The following MMS22L variants were observed in gnomAD, a reference collection of about 807,000 sequenced individuals.
MMS22L encodes MMS22 like, DNA repair protein.
MMS22L carries 74 observed loss-of-function variants against 159.1 expected under a neutral mutation model. The ratio of observed to expected loss-of-function variants is 0.47; its 90% confidence interval spans 0.39 to 0.56. The LOEUF (loss-of-function observed/expected upper bound fraction) is 0.56. Ranked by LOEUF, MMS22L falls within the 20% of genes least tolerant of loss-of-function variation. MMS22L has a pLI of 0.00. For missense variants in MMS22L, 1,351 were observed against 1,422.1 expected (o/e 0.95, Z 0.80); for synonymous variants, 517 against 506.9 (o/e 1.02, Z -0.27).
At chr6:97,179,692 C>T (rs543724234) in intron 16 of MMS22L, 133 bp from the exon 17 acceptor site, 13 of 632,776 alleles carry the variant, frequency 2.1e-5, no homozygotes, top group Admixed American at 3.7e-5. Flanking sequence ...AACACACTAA[C>T]GTAGGCATGC....
At chr6:97,233,293 T>C (rs1811063779) in intron 12 of MMS22L, among the ~76,000 whole-genome samples, 1 of 152,152 alleles carries the variant, frequency 6.6e-6, no homozygotes, top group Admixed American at 6.5e-5. Flanking sequence ...CATACCTCCA[T>C]GTATTTGTCC....
chr6:97,182,088 A>G (rs780909006), intron 15 of MMS22L, 34 bp from the exon 16 acceptor site: 1 of 1,581,244 alleles, frequency 6.3e-7, no homozygotes, highest in East Asian at 2.2e-5. Flanking sequence ...TAAAGTCAGG[A>G]ATCTTTAAAA....
chr6:97,241,111 C>G (rs1812013874), intron 11 of MMS22L, among the ~76,000 whole-genome samples: 2 of 152,224 alleles, frequency 1.3e-5, no homozygotes, highest in Admixed American at 1.3e-4. Flanking sequence ...GGTCTCCACT[C>G]AATCCAGGTT....
chr6:97,187,029 A>G (rs1487808901), intron 14 of MMS22L, among the ~76,000 whole-genome samples: 3 of 152,084 alleles, frequency 2.0e-5, no homozygotes, highest in Non-Finnish European at 4.4e-5. Flanking sequence ...CATGAAAACA[A>G]TTTTTAAAAC....
chr6:97,173,297 T>TC, intron 18 of MMS22L, 75 bp from the exon 19 acceptor site: 1 of 1,436,708 alleles, frequency 7.0e-7, no homozygotes, highest in Non-Finnish European at 9.6e-7. Flanking sequence ...AGATAATTTT[T>TC]CTCTCTTTTT....
In MMS22L at chr6:97,161,929, T is replaced by G. The variant is rs1036148419; in HGVS notation, c.3385+73A>C. ...TCACATATATTTTGTAACTATCCAT[T>G]AAATTGAGGGGAAACAGTAGTTTCT... is the stretch of plus-strand genomic sequence containing the variant. On this transcript the variant is annotated intron_variant, in intron 22 of 24. Coordinates refer to ENST00000683635, the MANE Select transcript of MMS22L (RefSeq NM_001350599.2). 9 of 1,434,074 alleles carry G rather than the reference T, an allele frequency of 6.3e-6. No homozygotes were observed. The African/African-American group carries it at 1.3e-4, about 21-fold the overall frequency. The allele number at this position is 1,434,074 out of a possible 1,614,324, so 88.8% of individuals were successfully genotyped here.
At chr6:97,209,344 T>C (rs1364230706) in intron 14 of MMS22L, among the ~76,000 whole-genome samples, 1 of 152,054 alleles carries the variant, frequency 6.6e-6, no homozygotes, top group Non-Finnish European at 1.5e-5. Flanking sequence ...AGTATCCCAC[T>C]ACTACTTTTT....
In MMS22L at chr6:97,233,849, C is replaced by T. The variant is rs1426354072; in HGVS notation, c.1302+12G>A. On this transcript the variant is annotated intron_variant, in intron 12 of 24. Coordinates refer to ENST00000683635, the MANE Select transcript of MMS22L (RefSeq NM_001350599.2). ...AAAATTCCTGGAGCAAATTCCTATT[C>T]TATTCACTCACCAGGTTCTTACTAT... 1.3e-6 allele frequency: 2 copies of T among 1,590,000 alleles called. No individual in the cohort carries two copies. The highest frequency in any genetic ancestry group is 2.3e-5 in the South Asian group (2 of 85,708).
chr6:97,270,086 A>T, intron 6 of MMS22L, 94 bp from the exon 7 acceptor site: 2 of 946,286 alleles, frequency 2.1e-6, no homozygotes, highest in Non-Finnish European at 3.3e-6. Context: ...AAACACAAGG[A>T]TAAAGAACCA....
intron 9 of MMS22L, among the ~76,000 whole-genome samples, chr6:97,256,894 C>T (rs1030366193): frequency 6.6e-6 from 1 of 152,204 alleles, no homozygotes; most frequent in Non-Finnish European, 1.5e-5. Flanking sequence ...CTGCAGTGAG[C>T]TGTGACCACA....
chr6:97,224,388 G>A (rs1809994565), intron 14 of MMS22L, among the ~76,000 whole-genome samples: 1 of 151,964 alleles, frequency 6.6e-6, no homozygotes, highest in Non-Finnish European at 1.5e-5. Flanking sequence ...TGGCTTTAAT[G>A]CTAAAGGATT....
intron 22 of MMS22L, among the ~76,000 whole-genome samples, chr6:97,161,745 G>A: frequency 6.6e-6 from 1 of 151,992 alleles, no homozygotes; most frequent in Admixed American, 6.6e-5. Flanking sequence ...ATCAAGGGAA[G>A]TAACCCTTAA....
chr6:97,155,742 T>C (rs554936693), intron 22 of MMS22L, among the ~76,000 whole-genome samples: 30 of 152,320 alleles, frequency 2.0e-4, no homozygotes, highest in African/African-American at 6.5e-4. Context: ...GTTCCAAGTA[T>C]TGATGACTTC....
In MMS22L at chr6:97,143,310, T is replaced by G. The variant is rs1229728189; in HGVS notation, c.*3496A>C. On this transcript the variant is annotated 3_prime_UTR_variant, in exon 25 of 25. Transcript: ENST00000683635. ...ATGCTGTAAACTGAATGAGGCTGAG[T>G]GTAGGATGAACATGGCAATCAGAGA... 1 of 151,990 alleles carries G rather than the reference T, an allele frequency of 6.6e-6. No individual in the cohort carries two copies. Among genetic ancestry groups the G allele is most frequent in the Non-Finnish European group, 1.5e-5 (1 of 67,982 alleles). 9.4% of individuals were successfully genotyped at this position (151,990 alleles called of 1,614,324 possible).
At chr6:97,257,292 A>G (rs1298373894) in intron 9 of MMS22L, among the ~76,000 whole-genome samples, 1 of 152,300 alleles carries the variant, frequency 6.6e-6, no homozygotes, top group East Asian at 1.9e-4. Context: ...AAATTAGCCT[A>G]CTATACCATT....
At chr6:97,219,657 G>A (rs1809411720) in intron 14 of MMS22L, among the ~76,000 whole-genome samples, 1 of 152,168 alleles carries the variant, frequency 6.6e-6, no homozygotes, top group East Asian at 1.9e-4. Flanking sequence ...AGATTGCACT[G>A]TTGGTAAATG....
intron 15 of MMS22L, among the ~76,000 whole-genome samples, chr6:97,182,990 C>T (rs1170764148): frequency 6.6e-6 from 1 of 152,096 alleles, no homozygotes; most frequent in East Asian, 1.9e-4. Context: ...GTCATGGACT[C>T]TTGATTTCTT....
At chr6:97,232,123 T>C (rs1052667836) in intron 12 of MMS22L, among the ~76,000 whole-genome samples, 3 of 152,170 alleles carry the variant, frequency 2.0e-5, no homozygotes, top group Non-Finnish European at 4.4e-5. Flanking sequence ...TTTCATCAGA[T>C]TTATGTTGAC....
chr6:97,224,772 T>C (rs530079418), intron 14 of MMS22L, among the ~76,000 whole-genome samples: 2 of 151,964 alleles, frequency 1.3e-5, no homozygotes, highest in African/African-American at 4.8e-5. Flanking sequence ...TTAGTTTTGG[T>C]TTAGTTATCT....
Sources: gnomAD v4.1 joint callset for allele counts (sites outside exome capture counted in the v4.1 genomes callset) on GRCh38, gnomAD v4.1.1 for gene constraint, MANE v1.5 for transcripts, NCBI Gene and HGNC (gene_info 2026-07-23, HGNC 2026-07-21) for gene names.